PIEZO2: variants seen among roughly 807,000 people sequenced by gnomAD.
PIEZO2 encodes the protein piezo type mechanosensitive ion channel component 2.
In PIEZO2, 172 loss-of-function variants were observed where a neutral mutation model predicts 337.3. The observed-to-expected ratio is 0.51, with a 90% CI of 0.45 to 0.58. PIEZO2 has a LOEUF of 0.58. PIEZO2 is among the 20% of genes least tolerant of loss of function. PIEZO2 has a pLI of 0.00. For missense variants in PIEZO2, 3,028 were observed against 3,391.3 expected (o/e 0.89, Z 2.66); for synonymous variants, 1,251 against 1,228.5 (o/e 1.02, Z -0.38).
At chr18:10,699,266 G>A (rs983060942) in intron 43 of PIEZO2, 89 bp from the exon 44 acceptor site, 4 of 1,479,948 alleles carry the variant, frequency 2.7e-6, no homozygotes, top group African/African-American at 1.4e-5. Flanking sequence ...CCAACAAACT[G>A]TCCTTCAAGA....
chr18:10,686,906 T>A (rs531137857), intron 49 of PIEZO2, among the ~76,000 whole-genome samples: 1 of 152,096 alleles, frequency 6.6e-6, no homozygotes, highest in Non-Finnish European at 1.5e-5. Flanking sequence ...TAACTCCCTG[T>A]AACAGTGGAG....
chr18:11,067,556 A>C (rs2038193132), intron 1 of PIEZO2, among the ~76,000 whole-genome samples: 1 of 152,228 alleles, frequency 6.6e-6, no homozygotes, highest in Admixed American at 6.5e-5. Context: ...AAGATATTCT[A>C]TGCAAATCAA....
chr18:10,876,191 C>T (rs2042264234), intron 4 of PIEZO2, among the ~76,000 whole-genome samples: 2 of 152,116 alleles, frequency 1.3e-5, no homozygotes, highest in African/African-American at 4.8e-5. Flanking sequence ...AAATGCATTC[C>T]ATTAAAACAA....
In PIEZO2 at chr18:10,763,085, T is replaced by C; in HGVS notation, c.2960A>G (p.Asn987Ser). 6.5e-7 allele frequency: 1 copy of C among 1,536,950 alleles called. No homozygotes were observed. The change falls in exon 22 of 56, where the codon AAC (asparagine) becomes AGC (serine). Residue 987 changes from asparagine to serine, a missense_variant. Physicochemically the swap from Asn to Ser is conservative, Grantham distance 46. Around this residue, in one of 5 missense-constraint regions of PIEZO2, gnomAD observed 1,925 missense variants for 2,051.9 expected, o/e 0.94. Coordinates refer to ENST00000674853, the MANE Select transcript of PIEZO2 (RefSeq NM_001378183.1). Reference protein sequence around the residue: ...WVSVKEVSLFNYVFLISWAFA... With the variant: ...WVSVKEVSLFSYVFLISWAFA... ...AGCCCAAGAAATCAAAAATACATAG[T>C]TGAACAGAGACACCTGAAAACGTAA...
rs2036452413 is a variant in PIEZO2 at position 10,724,607 on chromosome 18, C to T, written c.5030-6348G>A. Reference sequence around the variant, plus strand: ...TGGAGTGACCCAGCTGGATGTGACCCCCAAGACAGAATGGTGCTGGACTCG... The same window carrying T: ...TGGAGTGACCCAGCTGGATGTGACCTCCAAGACAGAATGGTGCTGGACTCG... On this transcript the variant is annotated intron_variant, in intron 36 of 55. Transcript: ENST00000674853. This position sits in a 1 kb window ranked among gnomAD's most constrained non-coding sequence, Gnocchi z 5.8. 1 of 651,866 alleles carries T rather than the reference C, an allele frequency of 1.5e-6. No individual in the cohort carries two copies. The highest frequency in any genetic ancestry group is 2.7e-6 in the Non-Finnish European group (1 of 364,502). 40.4% of individuals were successfully genotyped at this position (651,866 alleles called of 1,614,324 possible). A position where few individuals can be genotyped will look rare whatever the true frequency, so the allele number is the denominator to read the frequency against.
intron 7 of PIEZO2, among the ~76,000 whole-genome samples, chr18:10,808,901 G>A (rs922151631): frequency 3.9e-5 from 6 of 152,182 alleles, no homozygotes; most frequent in Non-Finnish European, 7.3e-5. Flanking sequence ...CCTTCTCCTT[G>A]CTCCACGCCT....
At chr18:10,710,588 G>A (rs1019750878) in intron 39 of PIEZO2, among the ~76,000 whole-genome samples, 1 of 152,220 alleles carries the variant, frequency 6.6e-6, no homozygotes, top group African/African-American at 2.4e-5. Context: ...GTAAGTCAAA[G>A]GGACTACAAA....
chr18:10,747,942 A>G (rs888733053), intron 30 of PIEZO2, among the ~76,000 whole-genome samples: 2 of 152,082 alleles, frequency 1.3e-5, no homozygotes, highest in African/African-American at 4.8e-5. Flanking sequence ...AGTCATCGAC[A>G]CCCACCCCCA....
intron 5 of PIEZO2, among the ~76,000 whole-genome samples, chr18:10,857,594 A>C (rs531130539): frequency 8.2e-4 from 125 of 152,378 alleles, no homozygotes; most frequent in African/African-American, 2.8e-3. Flanking sequence ...GTTTGATAAA[A>C]CTATCCACAG....
At chr18:10,822,423 G>A (rs2040544946) in intron 7 of PIEZO2, among the ~76,000 whole-genome samples, 1 of 152,144 alleles carries the variant, frequency 6.6e-6, no homozygotes, top group African/African-American at 2.4e-5. Context: ...CCCTTTTCCA[G>A]GGTGGTGATG....
intron 36 of PIEZO2, among the ~76,000 whole-genome samples, chr18:10,720,167 A>G (rs2143936697): frequency 6.8e-6 from 1 of 147,494 alleles, no homozygotes; most frequent in East Asian, 2.0e-4. Context: ...TATGTTAAAA[A>G]CTCAAACTGG....
intron 40 of PIEZO2, among the ~76,000 whole-genome samples, chr18:10,706,875 C>T (rs115753614): frequency 6.6e-5 from 10 of 152,280 alleles, no homozygotes; most frequent in African/African-American, 2.4e-4. Flanking sequence ...GCACGTGTGA[C>T]CACCAGGGTT....
At chr18:11,023,805 T>A (rs2036415617) in intron 2 of PIEZO2, among the ~76,000 whole-genome samples, 1 of 152,216 alleles carries the variant, frequency 6.6e-6, no homozygotes, top group African/African-American at 2.4e-5. Flanking sequence ...GGGAGGCAGC[T>A]AAGGCCCGGC....
intron 2 of PIEZO2, among the ~76,000 whole-genome samples, chr18:11,008,105 G>C (rs557468890): frequency 2.6e-4 from 39 of 152,174 alleles, no homozygotes; most frequent in Admixed American, 2.4e-3. Context: ...ATAAGCCTGG[G>C]AATCCTTTTA....
At chr18:10,732,581 G>A (rs1209086857) in intron 35 of PIEZO2, among the ~76,000 whole-genome samples, 1 of 152,102 alleles carries the variant, frequency 6.6e-6, no homozygotes, top group African/African-American at 2.4e-5. Flanking sequence ...TTTCTCACTG[G>A]TAGAAATCTG....
rs1377955985 is a variant in PIEZO2, at chr18:10,718,256, G to A, written c.5033C>T (p.Pro1678Leu). 3.9e-6 allele frequency: 6 copies of A among 1,536,580 alleles called. No homozygotes were observed. The highest frequency in any genetic ancestry group is 4.4e-6 in the Non-Finnish European group (5 of 1,146,294). The stretch of plus-strand genomic sequence containing the variant: ...ATCCTCCCGGTCTTCCCATTCCACA[G>A]GACCTGCCAAGTGTGTTCAATAAAG... ...KRRRKGSKEG[P>L]VEWEDREDEP... is the part of the protein sequence containing the mutation. Residue 1678 changes from proline to leucine, a missense_variant, in exon 37 of 56, where the codon CCT (proline) becomes CTT (leucine). Pro to Leu is a moderately conservative substitution (Grantham distance 98). Coordinates refer to ENST00000674853, the MANE Select transcript of PIEZO2 (RefSeq NM_001378183.1).
In PIEZO2 at chr18:11,028,978, G is replaced by A. The variant is rs552634552; in HGVS notation, c.160+37149C>T. ...TGCATCTAAACAACACCAGTTTTAA[G>A]CTGCACCGTCAGTTATTTAAATAGA... On this transcript the variant is annotated intron_variant, in intron 2 of 55. Transcript: ENST00000674853. This position sits in a 1 kb window ranked among gnomAD's most constrained non-coding sequence, Gnocchi z 4.8. Among the ~76,000 whole-genome samples, 1 of 152,292 alleles carries A rather than the reference G, an allele frequency of 6.6e-6. No homozygotes were observed. Among genetic ancestry groups the A allele is most frequent in the East Asian group, 1.9e-4 (1 of 5,184 alleles).
chr18:10,917,703 A>T lies in PIEZO2; in HGVS notation c.287-6475T>A, dbSNP rs189202476. 4.9e-3 allele frequency among the ~76,000 whole-genome samples: 751 copies of T among 152,302 alleles called. 10 individuals are homozygous for T. The highest frequency in any genetic ancestry group is 0.017 in the African/African-American group (721 of 41,586). On this transcript the variant is annotated intron_variant, in intron 3 of 55. Coordinates refer to ENST00000674853, the MANE Select transcript of PIEZO2 (RefSeq NM_001378183.1). ...CCTCTGCTTCTTCAAAATAATCAGC[A>T]GAAAAGGATTAATAATTCATGGAAG...
chr18:10,950,796 CT>C (rs1445967817), intron 3 of PIEZO2, among the ~76,000 whole-genome samples: 2 of 152,218 alleles, frequency 1.3e-5, no homozygotes, highest in African/African-American at 4.8e-5. Context: ...TCTTCATCCA[CT>C]GAGTTAGCTT....
Sources: allele counts gnomAD v4.1 joint callset (sites outside exome capture counted in the v4.1 genomes callset), GRCh38; gene constraint gnomAD v4.1.1; regional missense constraint gnomAD v4.1.1; non-coding constraint Gnocchi (gnomAD v3.1); transcripts MANE v1.5; gene names NCBI Gene and HGNC (gene_info 2026-07-23, HGNC 2026-07-21).